PTPRD: variants seen among roughly 807,000 people sequenced by gnomAD.
PTPRD encodes the protein protein tyrosine phosphatase receptor type D, also known as receptor-type tyrosine-protein phosphatase delta.
Under a neutral mutation model 214.5 loss-of-function variants are expected in PTPRD, and 34 were observed. The ratio of observed to expected loss-of-function variants is 0.16; its 90% CI spans 0.12 to 0.21. PTPRD has a LOEUF of 0.21. Among genes scored for constraint, PTPRD ranks in the 10% least tolerant of loss-of-function variants. The pLI, the probability that PTPRD is intolerant of heterozygous loss-of-function variation, is 1.00. For synonymous variants in PTPRD, 1,128 were observed against 845.7 expected, an observed-to-expected ratio of 1.33 and a Z score of -5.79; for missense variants, 2,545 against 2,398.7, an observed-to-expected ratio of 1.06 and a Z score of -1.27.
intron 10 of PTPRD, among the ~76,000 whole-genome samples, chr9:9,115,246 T>C (rs77563403): frequency 0.014 from 2,123 of 152,288 alleles, 40 homozygotes; most frequent in East Asian, 0.07. Context: ...TTCCTAATTG[T>C]AGAGGGTTTC....
intron 2 of PTPRD, among the ~76,000 whole-genome samples, chr9:10,363,522 A>T (rs2097437062): frequency 6.6e-6 from 1 of 152,190 alleles, no homozygotes; most frequent in Non-Finnish European, 1.5e-5. Flanking sequence ...CCACTTGGGG[A>T]CATGGTGCAA....
rs148680412 is a variant in PTPRD at position 8,977,984 on chromosome 9, T to C, written c.-104+40713A>G. Among the ~76,000 whole-genome samples the C allele has an allele frequency of 2.3e-3, 354 of 152,174 alleles. 3 individuals are homozygous for C. Among genetic ancestry groups the C allele is most frequent in the African/African-American group, 8.1e-3 (338 of 41,530 alleles). ...GTTGTCTTTTACATGCATAAATGCC[T>C]TGGGGTGTTTCATTTTGTTTGGATT... On this transcript the variant is annotated intron_variant, in intron 11 of 45. Coordinates refer to ENST00000381196, the MANE Select transcript of PTPRD (RefSeq NM_002839.4).
chr9:10,565,997 T>A (rs1476495170), intron 2 of PTPRD, among the ~76,000 whole-genome samples: 1 of 152,030 alleles, frequency 6.6e-6, no homozygotes, highest in Non-Finnish European at 1.5e-5. Context: ...CATTATGGTA[T>A]AAGGTTGTCT....
chr9:8,506,895 A>T (rs2097552643), intron 22 of PTPRD, among the ~76,000 whole-genome samples: 1 of 152,166 alleles, frequency 6.6e-6, no homozygotes, highest in Non-Finnish European at 1.5e-5. Flanking sequence ...CTAGCCAAGG[A>T]CTTTCATTAA....
In PTPRD at chr9:9,949,270, A is replaced by T. The variant is rs186793098; in HGVS notation, c.-471-10660T>A. ...TCTAAACACTTTTTAGAGATTTTAA[A>T]AATTGAGACCAAAGCAGTGCATCTT... On this transcript the variant is annotated intron_variant, in intron 4 of 45. Transcript: ENST00000381196. 2.3e-3 allele frequency among the ~76,000 whole-genome samples: 350 copies of T among 152,248 alleles called. 2 individuals carry two copies. Among genetic ancestry groups the T allele is most frequent in the African/African-American group, 8.2e-3 (340 of 41,562 alleles).
chr9:9,751,459 T>C (rs1746792), intron 6 of PTPRD, among the ~76,000 whole-genome samples: 80,359 of 151,884 alleles, frequency 0.53, 24,346 homozygotes, highest in African/African-American at 0.82. Flanking sequence ...CTTTTATAAA[T>C]TGAATTATGT....
At chr9:10,075,335 A>G (rs904108421) in intron 3 of PTPRD, among the ~76,000 whole-genome samples, 1 of 152,064 alleles carries the variant, frequency 6.6e-6, no homozygotes, top group Admixed American at 6.6e-5. Flanking sequence ...TATAGTCTCC[A>G]GGATAATTGT....
At chr9:9,917,181 C>T (rs1399295806) in intron 5 of PTPRD, among the ~76,000 whole-genome samples, 1 of 144,960 alleles carries the variant, frequency 6.9e-6, no homozygotes, top group East Asian at 2.1e-4. Context: ...AAATTAGTAG[C>T]AAGGAAGAAT....
At position 8,317,153 on chromosome 9, in the gene PTPRD, C is replaced by CAAAA. The variant is rs1163354241; in HGVS notation, c.*717_*720dup. The CAAAA allele has an allele frequency of 4.3e-6, 1 of 231,476 alleles. No individual in the cohort carries two copies. The highest frequency in any genetic ancestry group is 8.6e-6 in the Non-Finnish European group (1 of 116,914). The allele number at this position is 231,476 out of a possible 1,614,324, so 14.3% of individuals were successfully genotyped here. On this transcript the variant is annotated 3_prime_UTR_variant, in exon 46 of 46. Coordinates refer to ENST00000381196, the MANE Select transcript of PTPRD (RefSeq NM_002839.4). ...CTGATACTGTAGATTGAGTTTTGCACAAAAATGTGCAAATTTTCAAATGAT... is the reference window on the plus strand; with the variant it reads ...CTGATACTGTAGATTGAGTTTTGCACAAAAAAAAATGTGCAAATTTTCAAATGAT...
At chr9:9,554,142 A>G (rs2080970034) in intron 8 of PTPRD, among the ~76,000 whole-genome samples, 1 of 152,070 alleles carries the variant, frequency 6.6e-6, no homozygotes, top group Admixed American at 6.6e-5. Flanking sequence ...ATCCAAAAAT[A>G]TTAATTGCAA....
At chr9:9,409,114 C>T (rs2074520131) in intron 8 of PTPRD, among the ~76,000 whole-genome samples, 1 of 151,814 alleles carries the variant, frequency 6.6e-6, no homozygotes, top group Admixed American at 6.6e-5. Context: ...GAGTAATATT[C>T]TCATATTATG....
At chr9:10,588,427 TAC>T (rs3076471) in intron 2 of PTPRD, among the ~76,000 whole-genome samples, 5,439 of 146,568 alleles carry the variant, frequency 0.037, 110 homozygotes, top group African/African-American at 0.052. Context: ...TGGCTTATTG[TAC>T]ACACACACAC....
chr9:8,580,152 T>C (rs1044580974), intron 14 of PTPRD, among the ~76,000 whole-genome samples: 1 of 152,188 alleles, frequency 6.6e-6, no homozygotes, highest in African/African-American at 2.4e-5. Context: ...CAAATGTTTA[T>C]GGAAAGTGTT....
At position 10,194,317 on chromosome 9, in the gene PTPRD, C is replaced by CATAT. The variant is rs5896377; in HGVS notation, c.-545+146642_-545+146645dup. On this transcript the variant is annotated intron_variant, in intron 3 of 45. Coordinates refer to ENST00000381196, the MANE Select transcript of PTPRD (RefSeq NM_002839.4). ...ATTTGCTGAGCATCATATAGCTATT[C>CATAT]ATATATATATATATATATATATATA... Among the ~76,000 whole-genome samples, 131 of 75,738 alleles carry CATAT rather than the reference C, an allele frequency of 1.7e-3. 1 individual carries two copies. Among genetic ancestry groups the CATAT allele is most frequent in the African/African-American group, 5.1e-3 (97 of 18,982 alleles). The allele number at this position is 75,738 out of a possible 152,430, so 49.7% of individuals were successfully genotyped here.
intron 5 of PTPRD, among the ~76,000 whole-genome samples, chr9:9,869,835 A>C (rs1294151640): frequency 6.6e-6 from 1 of 152,014 alleles, no homozygotes; most frequent in Non-Finnish European, 1.5e-5. Flanking sequence ...AACTGTTTGG[A>C]GACTATGTGA....
chr9:8,473,320 A>G (rs1188077688), intron 30 of PTPRD, among the ~76,000 whole-genome samples: 1 of 152,156 alleles, frequency 6.6e-6, no homozygotes, highest in East Asian at 1.9e-4. Flanking sequence ...CGTATGACAG[A>G]GACCAATATC....
chr9:9,008,582 G>GA (rs979653895), intron 11 of PTPRD, among the ~76,000 whole-genome samples: 4 of 151,660 alleles, frequency 2.6e-5, no homozygotes, highest in African/African-American at 4.8e-5. Context: ...CAATTCTATG[G>GA]AAAAAAAGGA....
rs117105144 is a variant in PTPRD, at chr9:8,966,765, T to C, written c.-104+51932A>G. The stretch of plus-strand genomic sequence containing the variant: ...ACCAAAACATGACAAATTAGACCTA[T>C]TGAACTAAAGAGCTTATGCACAGCA... On this transcript the variant is annotated intron_variant, in intron 11 of 45. Coordinates refer to ENST00000381196, the MANE Select transcript of PTPRD (RefSeq NM_002839.4). Among the ~76,000 whole-genome samples the C allele has an allele frequency of 1.9e-3, 286 of 152,082 alleles. 6 individuals are homozygous for C. The East Asian group carries it at 0.048, about 26-fold the overall frequency.
At chr9:9,670,086 TAATTTGTAA>T (rs1475946241) in intron 7 of PTPRD, among the ~76,000 whole-genome samples, 1 of 152,308 alleles carries the variant, frequency 6.6e-6, no homozygotes, top group East Asian at 1.9e-4. Flanking sequence ...AGATAATTAG[TAATTTGTAA>T]AATTTGTAAA....
Sources: allele counts gnomAD v4.1 joint callset (sites outside exome capture counted in the v4.1 genomes callset), GRCh38; gene constraint gnomAD v4.1.1; transcripts MANE v1.5; gene names NCBI Gene and HGNC (gene_info 2026-07-23, HGNC 2026-07-21).